PABPC4L: variants seen among roughly 807,000 people sequenced by gnomAD.
PABPC4L encodes poly(A) binding protein cytoplasmic 4 like.
For missense variants in PABPC4L, 452 were observed against 451.4 expected (o/e 1.00, Z -0.01); for synonymous variants, 169 against 164.1 (o/e 1.03, Z -0.23).
the PABPC4L span, among the ~76,000 whole-genome samples, chr4:134,110,867 T>C: frequency 6.6e-6 from 1 of 151,924 alleles, no homozygotes; most frequent in African/African-American, 2.4e-5. Context: ...ACAATTTTAT[T>C]TTTCTGATCC....
At chr4:134,158,684 C>T in the PABPC4L span, among the ~76,000 whole-genome samples, 1 of 151,984 alleles carries the variant, frequency 6.6e-6, no homozygotes, top group Admixed American at 6.6e-5. Context: ...AATAGCTTTG[C>T]TAGAATATAT....
chr4:134,155,489 T>TGAGA, the PABPC4L span, among the ~76,000 whole-genome samples: 101,819 of 151,358 alleles, frequency 0.67, 35,209 homozygotes, highest in East Asian at 1. Flanking sequence ...TGTAAACTTC[T>TGAGA]GAGATCTATG....
At chr4:134,177,473 C>A in the PABPC4L span, among the ~76,000 whole-genome samples, 21 of 152,248 alleles carry the variant, frequency 1.4e-4, no homozygotes, top group African/African-American at 4.8e-4. Context: ...CGTGCCCAAC[C>A]CAGCAGTCCC....
the PABPC4L span, among the ~76,000 whole-genome samples, chr4:134,027,206 CT>C: frequency 6.6e-6 from 1 of 152,054 alleles, no homozygotes; most frequent in Non-Finnish European, 1.5e-5. Context: ...TTGGAATGCT[CT>C]TTTTTTGTGG....
At chr4:134,024,682 C>G in the PABPC4L span, among the ~76,000 whole-genome samples, 5 of 152,072 alleles carry the variant, frequency 3.3e-5, no homozygotes, top group South Asian at 1.0e-3. Flanking sequence ...CTGGGGGAAA[C>G]AATTCACTTC....
chr4:134,025,305 CAAAAAAAAAAAA>C, the PABPC4L span, among the ~76,000 whole-genome samples: 1 of 45,640 alleles, frequency 2.2e-5, no homozygotes, highest in South Asian at 1.1e-3. Flanking sequence ...GAATTCATCT[CAAAAAAAAAAAA>C]AAAAAAAAAA....
chr4:134,089,099 A>C, the PABPC4L span, among the ~76,000 whole-genome samples: 1 of 152,138 alleles, frequency 6.6e-6, no homozygotes, highest in African/African-American at 2.4e-5. Flanking sequence ...ACAAAGAAAA[A>C]GTAAGTTTCA....
At chr4:134,155,829 G>T in the PABPC4L span, among the ~76,000 whole-genome samples, 1 of 151,888 alleles carries the variant, frequency 6.6e-6, no homozygotes, top group Non-Finnish European at 1.5e-5. Context: ...TCTAATAATT[G>T]TACACTATGT....
the PABPC4L span, among the ~76,000 whole-genome samples, chr4:134,113,561 T>C: frequency 6.6e-6 from 1 of 151,904 alleles, no homozygotes; most frequent in African/African-American, 2.4e-5. Context: ...GTACACTCTA[T>C]GATGTTTTCA....
the PABPC4L span, among the ~76,000 whole-genome samples, chr4:134,026,477 C>T: frequency 2.7e-4 from 41 of 152,096 alleles, no homozygotes; most frequent in East Asian, 2.3e-3. Context: ...GCTTATACAT[C>T]CCTGTCACCT....
chr4:134,041,287 C>A, the PABPC4L span, among the ~76,000 whole-genome samples: 10 of 152,088 alleles, frequency 6.6e-5, no homozygotes, highest in East Asian at 1.6e-3. Flanking sequence ...ATGTTTATTG[C>A]GGCACTGTTC....
chr4:134,128,089 G>A, the PABPC4L span, among the ~76,000 whole-genome samples: 1 of 152,004 alleles, frequency 6.6e-6, no homozygotes, highest in Admixed American at 6.6e-5. Context: ...GCTTTTGAAT[G>A]AACCCAATTT....
At chr4:134,075,989 G>T in the PABPC4L span, among the ~76,000 whole-genome samples, 13 of 151,310 alleles carry the variant, frequency 8.6e-5, no homozygotes. Flanking sequence ...AATGAACAGG[G>T]CAATCATTTC....
the PABPC4L span, among the ~76,000 whole-genome samples, chr4:134,026,628 C>A: frequency 6.6e-6 from 1 of 152,064 alleles, no homozygotes; most frequent in Non-Finnish European, 1.5e-5. Context: ...TGTCCCCCCC[C>A]AAAATTCATA....
chr4:134,194,377 T>G (rs568367153), downstream of PABPC4L, among the ~76,000 whole-genome samples: 1 of 151,750 alleles, frequency 6.6e-6, no homozygotes, highest in African/African-American at 2.4e-5. Flanking sequence ...CAATTCACAC[T>G]TTTTCTGGCA....
At chr4:133,955,894 G>T in the PABPC4L span, among the ~76,000 whole-genome samples, 3 of 152,068 alleles carry the variant, frequency 2.0e-5, no homozygotes, top group Non-Finnish European at 4.4e-5. Context: ...TAAACCTGTT[G>T]TCTCTATGTT....
chr4:133,965,544 T>C, the PABPC4L span, among the ~76,000 whole-genome samples: 1 of 152,114 alleles, frequency 6.6e-6, no homozygotes, highest in Non-Finnish European at 1.5e-5. Context: ...TCTGGAGGCA[T>C]CATACTATCT....
chr4:134,058,546 T>C, the PABPC4L span, among the ~76,000 whole-genome samples: 1 of 151,998 alleles, frequency 6.6e-6, no homozygotes, highest in Non-Finnish European at 1.5e-5. Context: ...GAGTATATCC[T>C]ATTTCTCAGT....
the PABPC4L span, among the ~76,000 whole-genome samples, chr4:134,082,705 C>T: frequency 6.6e-6 from 1 of 151,676 alleles, no homozygotes; most frequent in Admixed American, 6.6e-5. Flanking sequence ...ATATTGGGCC[C>T]ATCTCTCTAT....
Sources: allele counts gnomAD v4.1 joint callset (sites outside exome capture counted in the v4.1 genomes callset), GRCh38; gene constraint gnomAD v4.1.1; transcripts MANE v1.5; gene names NCBI Gene and HGNC (gene_info 2026-07-23, HGNC 2026-07-21).